SLCO1B3: variants seen among roughly 807,000 people sequenced by gnomAD.
SLCO1B3 encodes liver-specific organic anion transporter 2.
A neutral mutation model predicts 71.8 loss-of-function variants in SLCO1B3; 72 were observed. The observed-to-expected ratio is 1.00, with a 90% CI of 0.83 to 1.22. The LOEUF (loss-of-function observed/expected upper bound fraction) is 1.22, where lower values mean the gene tolerates loss of function less well. Among genes scored for constraint, SLCO1B3 ranks in the 50% most tolerant of loss-of-function variants. The pLI is 0.00. For synonymous variants in SLCO1B3, 298 were observed against 278.4 expected (o/e 1.07, Z -0.70); for missense variants, 911 against 819.7 (o/e 1.11, Z -1.36).
intron 8 of SLCO1B3, among the ~76,000 whole-genome samples, chr12:20,868,826 G>T (rs532389956): frequency 6.6e-6 from 1 of 152,214 alleles, no homozygotes; most frequent in East Asian, 1.9e-4. Flanking sequence ...AAGGTCACGT[G>T]GATCACATGT....
chr12:20,870,080 A>G (rs1008787212), intron 8 of SLCO1B3, among the ~76,000 whole-genome samples: 1 of 152,134 alleles, frequency 6.6e-6, no homozygotes, highest in African/African-American at 2.4e-5. Flanking sequence ...TTATTATGAT[A>G]ATAAGTGATG....
At chr12:20,899,621 A>T (rs1333494894) in intron 14 of SLCO1B3, among the ~76,000 whole-genome samples, 1 of 152,154 alleles carries the variant, frequency 6.6e-6, no homozygotes, top group Non-Finnish European at 1.5e-5. Flanking sequence ...TGTGTCCCTA[A>T]TCTTCCAGCC....
At chr12:20,887,477 T>G (rs1865812846) in intron 13 of SLCO1B3, among the ~76,000 whole-genome samples, 1 of 152,054 alleles carries the variant, frequency 6.6e-6, no homozygotes, top group Admixed American at 6.6e-5. Flanking sequence ...TTAGTGATGT[T>G]GGGCATTTTT....
chr12:20,849,463 CTG>C (rs1338138210), intron 3 of SLCO1B3, among the ~76,000 whole-genome samples: 1 of 152,052 alleles, frequency 6.6e-6, no homozygotes, highest in Non-Finnish European at 1.5e-5. Context: ...TATTGAAAGA[CTG>C]AAAGTTTTGT....
chr12:20,839,531 T>C (rs2121165244), intron 3 of SLCO1B3, among the ~76,000 whole-genome samples: 1 of 152,310 alleles, frequency 6.6e-6, no homozygotes, highest in East Asian at 1.9e-4. Flanking sequence ...CTTATCTTTG[T>C]TCCTATATAG....
At chr12:20,820,803 G>C (rs1458547475) in intron 3 of SLCO1B3, among the ~76,000 whole-genome samples, 1 of 151,542 alleles carries the variant, frequency 6.6e-6, no homozygotes, top group Non-Finnish European at 1.5e-5. Context: ...ACTGGGCTGG[G>C]TTTTTATATT....
At chr12:20,820,076 T>C (rs1864264793) in intron 3 of SLCO1B3, among the ~76,000 whole-genome samples, 2 of 151,880 alleles carry the variant, frequency 1.3e-5, no homozygotes, top group Non-Finnish European at 2.9e-5. Flanking sequence ...TTTTAAGAGG[T>C]TTAGAAGCCT....
In SLCO1B3 at chr12:20,858,319, A is replaced by G. The variant is rs141618120; in HGVS notation, c.227-120A>G. On this transcript the variant is annotated intron_variant, in intron 4 of 15. Coordinates refer to ENST00000381545, the MANE Select transcript of SLCO1B3 (RefSeq NM_019844.4). ...GAGAGTTTACCTTCACAGTTAAATTACATGGTCTTTGAGGGAAGGTACAAT... is the reference window on the plus strand; with the variant it reads ...GAGAGTTTACCTTCACAGTTAAATTGCATGGTCTTTGAGGGAAGGTACAAT... The G allele has an allele frequency of 7.4e-4, 493 of 669,422 alleles. No individual in the cohort carries two copies. The African/African-American group carries it at 7.7e-3, about 10-fold the overall frequency. The allele number at this position is 669,422 out of a possible 1,614,324, so 41.5% of individuals were successfully genotyped here. A position where few individuals can be genotyped will look rare whatever the true frequency, so the allele number is the denominator to read the frequency against.
intron 13 of SLCO1B3, among the ~76,000 whole-genome samples, chr12:20,890,257 A>G (rs1010718095): frequency 6.6e-6 from 1 of 152,050 alleles, no homozygotes; most frequent in Non-Finnish European, 1.5e-5. Flanking sequence ...TGATTTCATT[A>G]TTGACCAAAT....
At chr12:20,853,625 T>C (rs1865067669) in intron 3 of SLCO1B3, among the ~76,000 whole-genome samples, 1 of 152,036 alleles carries the variant, frequency 6.6e-6, no homozygotes, top group Non-Finnish European at 1.5e-5. Context: ...TCTCTCTTTT[T>C]TATTTTAGCT....
rs1476579994 is a variant in SLCO1B3 at position 20,862,546 on chromosome 12, TC to T, written c.618del (p.Leu207CysfsTer3). 7 of 1,609,070 alleles carry T rather than the reference TC, an allele frequency of 4.4e-6. No individual in the cohort carries two copies. Among genetic ancestry groups the T allele is most frequent in the Non-Finnish European group, 5.1e-6 (6 of 1,176,718 alleles). The stretch of plus-strand genomic sequence containing the variant: ...TGATTTTGCAAAAGAAGGACATTCT[TC>T]CTTGTATTTAGGTAACGTACAGAAT... Reference protein sequence around the residue: ...IDDFAKEGHSSLYLGSLNAIG... With the variant: ...IDDFAKEGHSXLYLGSLNAIG... On this transcript the variant is annotated frameshift_variant, in exon 7 of 16. Coordinates refer to ENST00000381545, the MANE Select transcript of SLCO1B3 (RefSeq NM_019844.4). LOFTEE classifies it high-confidence loss of function.
intron 8 of SLCO1B3, among the ~76,000 whole-genome samples, chr12:20,866,850 G>A (rs542819020): frequency 3.9e-5 from 6 of 152,196 alleles, no homozygotes; most frequent in South Asian, 4.1e-4. Context: ...GTTTATGATC[G>A]GAACTGTTCT....
At position 20,916,138 on chromosome 12, in the gene SLCO1B3, A is replaced by G. The variant is rs1448206331; in HGVS notation, c.2000A>G (p.Asp667Gly). The G allele has an allele frequency of 1.2e-6, 2 of 1,613,578 alleles. No individual in the cohort carries two copies. Among genetic ancestry groups the G allele is most frequent in the Non-Finnish European group, 1.7e-6 (2 of 1,179,654 alleles). Residue 667 changes from aspartate (D) to glycine (G), a missense_variant, in exon 16 of 16, where the codon GAT (aspartate) becomes GGT (glycine). Physicochemically the swap from Asp to Gly is moderately conservative, Grantham distance 94. Transcript: ENST00000381545. Reference protein sequence around the residue: ...KASDNERKVMDEANLEFLNNG... With the variant: ...KASDNERKVMGEANLEFLNNG... ...TCGGACAATGAAAGAAAAGTAATGG[A>G]TGAAGCAAACTTAGAATTCTTAAAT...
rs367722979 is a variant in SLCO1B3 at position 20,871,699 on chromosome 12, T to G, written c.728-3536T>G. Among the ~76,000 whole-genome samples, 123 of 152,244 alleles carry G rather than the reference T, an allele frequency of 8.1e-4. 2 individuals carry two copies. The South Asian group carries it at 0.025, about 31-fold the overall frequency. ...TTATTAGGCAGAGACTCTTGTTCTC[T>G]TCCCCTGCTTTCTCCAAAGCAAATG... On this transcript the variant is annotated intron_variant, in intron 8 of 15. Coordinates refer to ENST00000381545, the MANE Select transcript of SLCO1B3 (RefSeq NM_019844.4).
intron 3 of SLCO1B3, among the ~76,000 whole-genome samples, chr12:20,822,143 A>G (rs1864324722): frequency 6.6e-6 from 1 of 152,152 alleles, no homozygotes; most frequent in Non-Finnish European, 1.5e-5. Flanking sequence ...CGGGGGATTG[A>G]TCTCCCAAGG....
chr12:20,826,797 C>T (rs1864433110), intron 3 of SLCO1B3, among the ~76,000 whole-genome samples: 1 of 151,988 alleles, frequency 6.6e-6, no homozygotes, highest in African/African-American at 2.4e-5. Flanking sequence ...CTCTTATATA[C>T]TAGTTTCTTT....
chr12:20,830,201 G>A (rs1266353853), intron 3 of SLCO1B3, among the ~76,000 whole-genome samples: 3 of 152,150 alleles, frequency 2.0e-5, no homozygotes, highest in African/African-American at 7.2e-5. Flanking sequence ...GAAAGGTTAG[G>A]GCCATCTCCA....
intron 15 of SLCO1B3, among the ~76,000 whole-genome samples, chr12:20,913,479 T>G (rs1236648075): frequency 6.6e-6 from 1 of 152,186 alleles, no homozygotes; most frequent in Non-Finnish European, 1.5e-5. Flanking sequence ...TGCTTACATG[T>G]TAAGTATTGT....
chr12:20,907,569 C>G (rs1267807359), intron 15 of SLCO1B3, among the ~76,000 whole-genome samples: 1 of 148,072 alleles, frequency 6.8e-6, no homozygotes, highest in Admixed American at 6.8e-5. Context: ...AGTGCAGTAG[C>G]GAAATCTCGG....
Sources: gnomAD v4.1 joint callset for allele counts (sites outside exome capture counted in the v4.1 genomes callset) on GRCh38, gnomAD v4.1.1 for gene constraint, MANE v1.5 for transcripts, NCBI Gene and HGNC (gene_info 2026-07-23, HGNC 2026-07-21) for gene names.